The following TTLL2 variants were observed in gnomAD, a reference collection of about 807,000 sequenced individuals.
TTLL2 encodes tubulin tyrosine ligase like 2.
In TTLL2, 10 loss-of-function variants were observed where a neutral mutation model predicts 7.5. The ratio of observed to expected loss-of-function variants is 1.33; its 90% CI spans 0.82 to 2.25. TTLL2 has a LOEUF of 2.25. TTLL2 is among the 30% of genes most tolerant of loss of function. The pLI, the probability that TTLL2 is intolerant of heterozygous loss-of-function variation, is 0.00. For missense variants in TTLL2, 733 were observed against 735.7 expected (o/e 1.00, Z 0.04); for synonymous variants, 284 against 280.3 (o/e 1.01, Z -0.13).
rs372716542 is a variant in TTLL2 at position 167,325,292 on chromosome 6, T to C, written c.47+72T>C. The C allele has an allele frequency of 7.1e-6, 10 of 1,412,618 alleles. No individual in the cohort carries two copies. In the African/African-American group the frequency reaches 1.3e-4, roughly 19 times the overall value. 87.5% of individuals were successfully genotyped at this position (1,412,618 alleles called of 1,614,324 possible). On this transcript the variant is annotated intron_variant, in intron 1 of 2. Transcript: ENST00000239587. The stretch of plus-strand genomic sequence containing the variant: ...TGCCTCTGTTCCAGGACCAGCCCCT[T>C]CCCGAGAGCACAGGGGCCAGGGTCA...
chr6:167,337,452 C>A (rs972418599), intron 1 of TTLL2, among the ~76,000 whole-genome samples: 2 of 152,124 alleles, frequency 1.3e-5, no homozygotes, highest in Non-Finnish European at 2.9e-5. Flanking sequence ...CCTGGGGGGT[C>A]CAGGCCAGGC....
chr6:167,336,661 C>T (rs184227892), intron 1 of TTLL2, among the ~76,000 whole-genome samples: 107 of 152,090 alleles, frequency 7.0e-4, no homozygotes, highest in African/African-American at 2.4e-3. Context: ...TGGTTTTGCT[C>T]GTTGGCTCAG....
chr6:167,336,117 C>T (rs73266962), intron 1 of TTLL2, among the ~76,000 whole-genome samples: 74 of 152,022 alleles, frequency 4.9e-4, no homozygotes, highest in African/African-American at 1.7e-3. Context: ...ACACAGGTGC[C>T]GTTGCCTCTT....
rs1779053916 is a variant in TTLL2 at position 167,340,166 on chromosome 6, T to C, written c.266T>C (p.Phe89Ser). Residue 89 changes from phenylalanine (F) to serine (S), a missense_variant, in exon 3 of 3, where the codon TTT becomes TCT. By Grantham distance (155) the Phe-to-Ser change is radical (BLOSUM62 -2). Coordinates refer to ENST00000239587, the MANE Select transcript of TTLL2 (RefSeq NM_031949.5). ...GGGGCCCTCTTGAAGCCGCTGGTTT[T>C]TCGCGTTGACGAGACCACCCCGGCT... Reference protein sequence around the residue: ...PSGALLKPLVFRVDETTPAVV... With the variant: ...PSGALLKPLVSRVDETTPAVV... The C allele has an allele frequency of 1.2e-6, 2 of 1,609,138 alleles. No individual in the cohort carries two copies. The highest frequency in any genetic ancestry group is 1.3e-5 in the African/African-American group (1 of 74,690).
intron 1 of TTLL2, among the ~76,000 whole-genome samples, chr6:167,338,355 ACAC>A (rs967076933): frequency 1.2e-4 from 19 of 152,054 alleles, no homozygotes; most frequent in African/African-American, 4.4e-4. Flanking sequence ...CTCACACAAC[ACAC>A]AACATACAGA....
At chr6:167,329,082 G>T (rs1778885289) in intron 1 of TTLL2, among the ~76,000 whole-genome samples, 1 of 152,034 alleles carries the variant, frequency 6.6e-6, no homozygotes, top group African/African-American at 2.4e-5. Flanking sequence ...AGTGTCCGCA[G>T]TTCAAAGGGC....
rs756142646 is a variant in TTLL2, at chr6:167,340,503, G to A, written c.603G>A (p.Met201Ile). ...FVAEYFQERQ[M>I]LGTKHSYWIC... ...CTGAATACTTTCAGGAGAGGCAGAT[G>A]CTGGGCACCAAGCATAGCTATTGGA... Residue 201 changes from methionine to isoleucine, a missense_variant, in exon 3 of 3, where the codon ATG (methionine) becomes ATA (isoleucine). Physicochemically the swap from Met to Ile is conservative, Grantham distance 10 (BLOSUM62 1). Transcript: ENST00000239587. 6 of 1,614,058 alleles carry A rather than the reference G, an allele frequency of 3.7e-6. No homozygotes were observed. Among genetic ancestry groups the A allele is most frequent in the Non-Finnish European group, 5.1e-6 (6 of 1,180,048 alleles).
intron 1 of TTLL2, among the ~76,000 whole-genome samples, chr6:167,325,504 C>T (rs987441334): frequency 6.6e-6 from 1 of 152,156 alleles, no homozygotes; most frequent in Non-Finnish European, 1.5e-5. Context: ...ACGAAGTAGA[C>T]CCATTCCTGA....
intron 1 of TTLL2, among the ~76,000 whole-genome samples, chr6:167,326,508 A>C (rs1197081194): frequency 2.6e-5 from 4 of 152,118 alleles, no homozygotes; most frequent in African/African-American, 9.7e-5. Flanking sequence ...CAAGTGCTTG[A>C]GGGTGACTGA....
At chr6:167,326,131 G>A (rs1266598734) in intron 1 of TTLL2, among the ~76,000 whole-genome samples, 2 of 152,062 alleles carry the variant, frequency 1.3e-5, no homozygotes, top group Non-Finnish European at 2.9e-5. Flanking sequence ...AGTCTACCCC[G>A]GGTTTGTTGG....
intron 1 of TTLL2, among the ~76,000 whole-genome samples, chr6:167,326,339 TTAGG>T (rs1331205930): frequency 6.6e-6 from 1 of 152,110 alleles, no homozygotes; most frequent in African/African-American, 2.4e-5. Flanking sequence ...AAAAGAACAT[TTAGG>T]TAGGAAGTTT....
rs1436827044 is a variant in TTLL2, at chr6:167,341,100, T to G, written c.1200T>G (p.Asp400Glu). 6.2e-7 allele frequency: 1 copy of G among 1,613,990 alleles called. No homozygotes were observed. Among genetic ancestry groups the G allele is most frequent in the East Asian group, 2.2e-5 (1 of 44,870 alleles). ...SPALTLDCST[D>E]VLVKRKLVHD... ...CCTTGACCTTGGATTGTTCAACAGA[T>G]GTGTTGGTGAAGAGAAAACTTGTCC... The change falls in exon 3 of 3, where the codon GAT becomes GAG. Residue 400 changes from aspartate to glutamate, a missense_variant. By Grantham distance (45) the Asp-to-Glu change is conservative. Transcript: ENST00000239587.
At position 167,340,841 on chromosome 6, in the gene TTLL2, A is replaced by AGGCCCCGG. The variant is rs2115226847; in HGVS notation, c.941_942insGGCCCCGG (p.Val315AlafsTer4). 2.5e-6 allele frequency: 4 copies of AGGCCCCGG among 1,614,210 alleles called. No homozygotes were observed. The highest frequency in any genetic ancestry group is 3.4e-6 in the Non-Finnish European group (4 of 1,180,058). On this transcript the variant is annotated frameshift_variant, in exon 3 of 3. Coordinates refer to ENST00000239587, the MANE Select transcript of TTLL2 (RefSeq NM_031949.5). LOFTEE classifies it low-confidence loss of function (END_TRUNC). ...GGGGCCTCTTATGAGAAGATCAAAG[A>AGGCCCCGG]AGTGATTGGTCATGGTTGTAAATGG...
Position 167,340,310 on chromosome 6 carries a change from G to C in TTLL2, c.410G>C (p.Ser137Thr). 1 of 1,614,166 alleles carries C rather than the reference G, an allele frequency of 6.2e-7. No individual in the cohort carries two copies. The highest frequency in any genetic ancestry group is 1.3e-5 in the African/African-American group (1 of 75,034). The part of the protein sequence containing the change: ...TSSFRMTEHN[S>T]VKPWQQLNHH... ...TCTTTCCGAATGACCGAACACAACA[G>C]TGTTAAACCGTGGCAGCAGCTAAAC... Residue 137 changes from serine (S) to threonine (T), a missense_variant, in exon 3 of 3, where the codon AGT (serine) becomes ACT (threonine). Transcript: ENST00000239587.
chr6:167,328,625 T>C (rs6455544), intron 1 of TTLL2, among the ~76,000 whole-genome samples: 15,426 of 152,136 alleles, frequency 0.1, 2,155 homozygotes, highest in African/African-American at 0.31. Flanking sequence ...AATGGTGGCT[T>C]AGTACTGAAT....
At position 167,340,338 on chromosome 6, in the gene TTLL2, C is replaced by A. The variant is rs889767358; in HGVS notation, c.438C>A (p.His146Gln). Residue 146 changes from histidine to glutamine, a missense_variant, in exon 3 of 3, where the codon CAC becomes CAA. By Grantham distance (24) the His-to-Gln change is conservative. Coordinates refer to ENST00000239587, the MANE Select transcript of TTLL2 (RefSeq NM_031949.5). ...NSVKPWQQLNHHPGTTKLTRK... is the reference protein window; with the variant it reads ...NSVKPWQQLNQHPGTTKLTRK... ...TTAAACCGTGGCAGCAGCTAAACCACCACCCTGGAACCACCAAGCTTACCA... is the reference window on the plus strand; with the variant it reads ...TTAAACCGTGGCAGCAGCTAAACCAACACCCTGGAACCACCAAGCTTACCA... 6.2e-7 allele frequency: 1 copy of A among 1,614,174 alleles called. No individual in the cohort carries two copies. The highest frequency in any genetic ancestry group is 1.1e-5 in the South Asian group (1 of 91,072).
intron 1 of TTLL2, among the ~76,000 whole-genome samples, chr6:167,330,439 T>C (rs1300829428): frequency 6.6e-6 from 1 of 152,040 alleles, no homozygotes; most frequent in East Asian, 1.9e-4. Context: ...TGCCCACCTG[T>C]AATCCCAACT....
intron 1 of TTLL2, 126 bp from the exon 2 acceptor site, chr6:167,338,521 A>G: frequency 7.8e-7 from 1 of 1,279,236 alleles, no homozygotes; most frequent in Non-Finnish European, 1.1e-6. Context: ...TGAAAGCATT[A>G]CTGCAAACTA....
chr6:167,337,275 G>T (rs563034810), intron 1 of TTLL2, among the ~76,000 whole-genome samples: 1 of 152,338 alleles, frequency 6.6e-6, no homozygotes, highest in South Asian at 2.1e-4. Flanking sequence ...GTTGAAATGG[G>T]GTCCCCAACC....
Sources: allele counts gnomAD v4.1 joint callset (sites outside exome capture counted in the v4.1 genomes callset), GRCh38; gene constraint gnomAD v4.1.1; transcripts MANE v1.5; gene names NCBI Gene and HGNC (gene_info 2026-07-23, HGNC 2026-07-21).